Variants in SCCPDH observed in about 807,000 individuals in gnomAD.
SCCPDH encodes the protein saccharopine dehydrogenase (putative).
SCCPDH carries 34 observed loss-of-function variants against 51.5 expected under a neutral mutation model. The observed-to-expected ratio is 0.66, with a 90% CI of 0.50 to 0.88. SCCPDH has a LOEUF of 0.88. Ranked by LOEUF, SCCPDH falls within the 40% of genes least tolerant of loss-of-function variation. SCCPDH has a pLI of 0.00. For synonymous variants in SCCPDH, 187 were observed against 191.3 expected, an observed-to-expected ratio of 0.98 and a Z score of 0.19; for missense variants, 464 against 527.1, an observed-to-expected ratio of 0.88 and a Z score of 1.17.
chr1:246,737,268 G>A (rs190299298), intron 3 of SCCPDH, among the ~76,000 whole-genome samples: 29 of 149,388 alleles, frequency 1.9e-4, no homozygotes, highest in Admixed American at 1.9e-3. Flanking sequence ...GGTGGCTCAC[G>A]CCTGTTACCC....
At position 246,726,966 on chromosome 1, in the gene SCCPDH, G is replaced by A. The variant is rs146356512; in HGVS notation, c.265G>A (p.Ala89Thr). 1.2e-4 allele frequency: 198 copies of A among 1,614,028 alleles called. 2 individuals carry two copies. In the African/African-American group the frequency reaches 2.2e-3, roughly 18 times the overall value. Residue 89 changes from alanine to threonine, a missense_variant, in exon 2 of 12, where the codon GCT becomes ACT. Coordinates refer to ENST00000366510, the MANE Select transcript of SCCPDH (RefSeq NM_016002.3). ...IANPASLDEM[A>T]KQATVVLNCV... ...TAATCCAGCCTCGCTTGATGAAATG[G>A]CTAAACAGGCAACAGTTGTCCTCAA...
At chr1:246,735,345 C>T (rs1211197629) in intron 2 of SCCPDH, among the ~76,000 whole-genome samples, 1 of 152,150 alleles carries the variant, frequency 6.6e-6, no homozygotes, top group Admixed American at 6.5e-5. Context: ...TTACTTTTTC[C>T]TGTATCTGGA....
intron 9 of SCCPDH, among the ~76,000 whole-genome samples, chr1:246,763,048 C>T (rs1411084775): frequency 1.3e-5 from 2 of 152,050 alleles, no homozygotes; most frequent in Non-Finnish European, 2.9e-5. Context: ...GGCACTGGGG[C>T]TCTCTAAATC....
intron 9 of SCCPDH, among the ~76,000 whole-genome samples, chr1:246,761,493 C>T (rs1336516463): frequency 7.9e-5 from 12 of 152,196 alleles, no homozygotes; most frequent in African/African-American, 4.8e-5. Flanking sequence ...CACCACCATC[C>T]ATGTCCAGAA....
intron 5 of SCCPDH, among the ~76,000 whole-genome samples, chr1:246,746,391 C>A (rs1396470467): frequency 1.2e-4 from 19 of 152,152 alleles, no homozygotes; most frequent in Admixed American, 2.6e-4. Context: ...ATAACACAAC[C>A]GGTCAGGTCA....
intron 2 of SCCPDH, among the ~76,000 whole-genome samples, chr1:246,732,639 C>T (rs189530398): frequency 3.3e-5 from 5 of 152,266 alleles, no homozygotes; most frequent in Admixed American, 6.5e-5. Flanking sequence ...CCACCTGCCT[C>T]GGCCTCCCAA....
intron 11 of SCCPDH, 63 bp from the exon 12 acceptor site, chr1:246,767,132 C>G (rs1485222761): frequency 2.7e-6 from 3 of 1,104,862 alleles, no homozygotes; most frequent in South Asian, 1.6e-5. Flanking sequence ...GATAGTGAGG[C>G]CTGTGAAATA....
At chr1:246,728,726 T>G (rs970029389) in intron 2 of SCCPDH, among the ~76,000 whole-genome samples, 10 of 152,198 alleles carry the variant, frequency 6.6e-5, no homozygotes, top group Admixed American at 2.0e-4. Context: ...AATAACAGAA[T>G]TTCTTTCTTC....
At chr1:246,746,432 G>A (rs1572299746) in intron 5 of SCCPDH, among the ~76,000 whole-genome samples, 1 of 152,198 alleles carries the variant, frequency 6.6e-6, no homozygotes, top group Admixed American at 6.5e-5. Flanking sequence ...CCCAGGACGC[G>A]GCGCCGGGCT....
rs370581831 is a variant in SCCPDH at position 246,744,135 on chromosome 1, T to C, written c.564+10T>C. On this transcript the variant is annotated intron_variant, in intron 5 of 11. Coordinates refer to ENST00000366510, the MANE Select transcript of SCCPDH (RefSeq NM_016002.3). ...ACATTCAGGACCTGAGGTTGGTTTT[T>C]TGGTTTGTCTTGTGTTGTTTCAAGT... 5 of 1,557,780 alleles carry C rather than the reference T, an allele frequency of 3.2e-6. No homozygotes were observed. Among genetic ancestry groups the C allele is most frequent in the African/African-American group, 1.4e-5 (1 of 73,734 alleles).
At chr1:246,727,728 G>A (rs1290496187) in intron 2 of SCCPDH, among the ~76,000 whole-genome samples, 3 of 152,186 alleles carry the variant, frequency 2.0e-5, no homozygotes, top group Admixed American at 6.5e-5. Flanking sequence ...CTTTTCCAGG[G>A]ACAGCAGGCA....
Position 246,752,405 on chromosome 1 carries a change from A to G in SCCPDH, c.565-5821A>G, listed in dbSNP as rs143257022. Among the ~76,000 whole-genome samples the G allele has an allele frequency of 4.5e-3, 686 of 152,260 alleles. 6 individuals carry two copies. Among genetic ancestry groups the G allele is most frequent in the African/African-American group, 0.015 (642 of 41,548 alleles). Reference sequence around the variant, plus strand: ...CTAAGAAACGGTAGTCTGTTTGGCTATCTGATTAATAGCTCTAAGTTCTTG... The same window carrying G: ...CTAAGAAACGGTAGTCTGTTTGGCTGTCTGATTAATAGCTCTAAGTTCTTG... On this transcript the variant is annotated intron_variant, in intron 5 of 11. Coordinates refer to ENST00000366510, the MANE Select transcript of SCCPDH (RefSeq NM_016002.3).
At chr1:246,738,442 C>T (rs796374756) in intron 3 of SCCPDH, among the ~76,000 whole-genome samples, 61 of 145,988 alleles carry the variant, frequency 4.2e-4, no homozygotes, top group African/African-American at 1.4e-3. Context: ...ACCTGGGAGT[C>T]GGAGGTTGCA....
chr1:246,724,419 C>A lies in SCCPDH; in HGVS notation c.-4C>A, dbSNP rs533106938. ...CCGGGGCCTGGGCTCGCTGTGGACTCGTCATGGCGACCGAGCAGAGGCCTT... is the reference window on the plus strand; with the variant it reads ...CCGGGGCCTGGGCTCGCTGTGGACTAGTCATGGCGACCGAGCAGAGGCCTT... On this transcript the variant is annotated 5_prime_UTR_variant, in exon 1 of 12. Transcript: ENST00000366510. The A allele has an allele frequency of 1.9e-6, 3 of 1,565,296 alleles. No individual in the cohort carries two copies. The highest frequency in any genetic ancestry group is 1.9e-5 in the Admixed American group (1 of 53,706).
chr1:246,757,446 G>C (rs1005661484), intron 5 of SCCPDH, among the ~76,000 whole-genome samples: 2 of 127,208 alleles, frequency 1.6e-5, no homozygotes, highest in Admixed American at 1.6e-4. Context: ...GGCGCTAGAG[G>C]TAAGGGTTGG....
At chr1:246,734,768 G>C (rs1033263847) in intron 2 of SCCPDH, among the ~76,000 whole-genome samples, 1 of 152,208 alleles carries the variant, frequency 6.6e-6, no homozygotes, top group African/African-American at 2.4e-5. Flanking sequence ...AAGCAGAGGA[G>C]TTTGTGCTTC....
At chr1:246,766,407 C>G (rs567758220) in intron 11 of SCCPDH, among the ~76,000 whole-genome samples, 1 of 152,140 alleles carries the variant, frequency 6.6e-6, no homozygotes, top group South Asian at 2.1e-4. Flanking sequence ...ATAAAGATAC[C>G]TCAAGTCCAG....
At chr1:246,765,672 G>A (rs1260343993) in intron 10 of SCCPDH, among the ~76,000 whole-genome samples, 2 of 152,060 alleles carry the variant, frequency 1.3e-5, no homozygotes, top group Non-Finnish European at 1.5e-5. Context: ...TAGGATCATT[G>A]GCTTCAATGA....
intron 3 of SCCPDH, among the ~76,000 whole-genome samples, chr1:246,736,597 A>G (rs930955136): frequency 6.6e-5 from 10 of 152,002 alleles, no homozygotes; most frequent in Non-Finnish European, 1.3e-4. Context: ...GCTTCTTGGG[A>G]GGCTGAGGTG....
Sources: gnomAD v4.1 joint callset for allele counts (sites outside exome capture counted in the v4.1 genomes callset) on GRCh38, gnomAD v4.1.1 for gene constraint, MANE v1.5 for transcripts, NCBI Gene and HGNC (gene_info 2026-07-23, HGNC 2026-07-21) for gene names.